Variants in KCNMA1 observed in about 807,000 individuals in gnomAD.
KCNMA1 encodes Calcium-activated potassium channel subunit alpha-1.
Under a neutral mutation model 140.0 loss-of-function variants are expected in KCNMA1, and 29 were observed. The observed-to-expected ratio is 0.21, with a 90% CI of 0.15 to 0.28. KCNMA1 has a LOEUF of 0.28. Among genes scored for constraint, KCNMA1 ranks in the 10% least tolerant of loss-of-function variants. The probability of loss-of-function intolerance (pLI) is 1.00; values close to 1 mark genes in which losing one functional copy is unlikely to be tolerated. For synonymous variants in KCNMA1, 612 were observed against 611.9 expected (o/e 1.00, Z 0.00); for missense variants, 880 against 1,602.2 (o/e 0.55, Z 7.70).
intron 1 of KCNMA1, among the ~76,000 whole-genome samples, chr10:77,406,379 A>G (rs772724089): frequency 3.3e-5 from 5 of 152,196 alleles, no homozygotes; most frequent in African/African-American, 4.8e-5. Context: ...AACAGTGTCC[A>G]ATAGCACAAA....
At chr10:77,281,620 C>T (rs149169197) in intron 2 of KCNMA1, among the ~76,000 whole-genome samples, 7 of 152,064 alleles carry the variant, frequency 4.6e-5, no homozygotes, top group Non-Finnish European at 8.8e-5. Context: ...CTCTATGGCA[C>T]CCTGCTCCAG....
chr10:76,930,128 C>T (rs1454216482), intron 23 of KCNMA1: 2 of 151,980 alleles, frequency 1.3e-5, no homozygotes, highest in African/African-American at 2.4e-5. Context: ...AATTAAAAAG[C>T]GGGACTACAT....
intron 5 of KCNMA1, among the ~76,000 whole-genome samples, chr10:77,128,578 T>A (rs1237961799): frequency 6.6e-6 from 1 of 151,918 alleles, no homozygotes; most frequent in East Asian, 1.9e-4. Context: ...GCAGAGGGAG[T>A]ATTAAGGCTC....
intron 13 of KCNMA1, among the ~76,000 whole-genome samples, chr10:77,073,762 G>T (rs952469378): frequency 8.5e-5 from 13 of 152,152 alleles, no homozygotes; most frequent in Admixed American, 2.0e-4. Context: ...CAGTAGATCT[G>T]GGGTAAGGCT....
chr10:77,351,931 C>T lies in KCNMA1; in HGVS notation c.540+51931G>A, dbSNP rs193254662. 1.2e-3 allele frequency among the ~76,000 whole-genome samples: 178 copies of T among 152,306 alleles called. 3 individuals carry two copies. In the South Asian group the frequency reaches 0.016, roughly 14 times the overall value. ...TGGATTGTCCTCAAGTAGACTGGCT[C>T]ACCAAAGGTGTCCACAACAAGAACA... On this transcript the variant is annotated intron_variant, in intron 2 of 27. Transcript: ENST00000286628.
At chr10:77,191,112 G>A (rs1360323569) in intron 3 of KCNMA1, among the ~76,000 whole-genome samples, 2 of 152,096 alleles carry the variant, frequency 1.3e-5, no homozygotes, top group Non-Finnish European at 2.9e-5. Flanking sequence ...AAGCTTTCCT[G>A]GCTACCTCTG....
intron 2 of KCNMA1, among the ~76,000 whole-genome samples, chr10:77,267,043 G>A (rs902566262): frequency 8.5e-5 from 13 of 152,116 alleles, no homozygotes; most frequent in African/African-American, 3.1e-4. Flanking sequence ...TCCAGAGAAG[G>A]GGCAATGAGC....
intron 20 of KCNMA1, among the ~76,000 whole-genome samples, chr10:76,969,464 A>G (rs769320875): frequency 6.6e-5 from 10 of 152,264 alleles, no homozygotes; most frequent in Non-Finnish European, 1.3e-4. Context: ...TTATCAGTCA[A>G]AATCAATTAA....
chr10:77,255,335 C>T (rs2060494815), intron 2 of KCNMA1, among the ~76,000 whole-genome samples: 1 of 152,126 alleles, frequency 6.6e-6, no homozygotes, highest in Admixed American at 6.6e-5. Flanking sequence ...TGCAGTGGCT[C>T]ATGCCTGTAA....
At chr10:77,606,755 G>A (rs765206354) in intron 1 of KCNMA1, among the ~76,000 whole-genome samples, 40 of 152,102 alleles carry the variant, frequency 2.6e-4, no homozygotes, top group Non-Finnish European at 4.7e-4. Context: ...GGTCTCCTCT[G>A]GGAACTTGGA....
chr10:77,276,086 T>C (rs1469012149), intron 2 of KCNMA1, among the ~76,000 whole-genome samples: 1 of 152,128 alleles, frequency 6.6e-6, no homozygotes, highest in East Asian at 1.9e-4. Flanking sequence ...TCAACATGAG[T>C]ACCACAGTCC....
intron 1 of KCNMA1, among the ~76,000 whole-genome samples, chr10:77,612,329 TA>T (rs751474174): frequency 3.3e-4 from 50 of 152,144 alleles, no homozygotes; most frequent in Non-Finnish European, 5.6e-4. Context: ...CCCAATGCAG[TA>T]AAAATGTGAT....
chr10:77,593,723 G>A (rs546264211), intron 1 of KCNMA1, among the ~76,000 whole-genome samples: 4 of 152,334 alleles, frequency 2.6e-5, no homozygotes, highest in South Asian at 2.1e-4. Context: ...AGCCCTGAGC[G>A]TAGGACTCAA....
At chr10:77,590,760 C>T (rs969572445) in intron 1 of KCNMA1, among the ~76,000 whole-genome samples, 1 of 152,152 alleles carries the variant, frequency 6.6e-6, no homozygotes, top group Non-Finnish European at 1.5e-5. Context: ...TCACTACCAC[C>T]GCCAGATGCT....
intron 2 of KCNMA1, among the ~76,000 whole-genome samples, chr10:77,262,541 C>T (rs2062294662): frequency 6.6e-6 from 1 of 151,342 alleles, no homozygotes; most frequent in Non-Finnish European, 1.5e-5. Context: ...GAAACATGAC[C>T]CCCAGTGTTG....
rs564727844 is a variant in KCNMA1 at position 76,935,576 on chromosome 10, AG to A, written c.2902+9196del. ...AGCAGGTTGTCAGGGAGATTAAATA[AG>A]ATATTACATAGGAATGTGTCTGGTG... On this transcript the variant is annotated intron_variant, in intron 23 of 27. Coordinates refer to ENST00000286628, the MANE Select transcript of KCNMA1 (RefSeq NM_001161352.2). Among the ~76,000 whole-genome samples the A allele has an allele frequency of 3.0e-4, 45 of 152,326 alleles. 1 individual carries two copies. The highest frequency in any genetic ancestry group is 1.0e-3 in the African/African-American group (43 of 41,568).
chr10:77,060,750 T>G (rs2095711559), intron 14 of KCNMA1, among the ~76,000 whole-genome samples: 1 of 152,194 alleles, frequency 6.6e-6, no homozygotes, highest in Non-Finnish European at 1.5e-5. Context: ...GTTATCTAAG[T>G]GGGCTCTAAA....
intron 20 of KCNMA1, among the ~76,000 whole-genome samples, chr10:76,961,082 C>G (rs1273697285): frequency 2.0e-5 from 3 of 151,500 alleles, no homozygotes; most frequent in Admixed American, 6.6e-5. Context: ...TAAGCTATCA[C>G]TGCCATAGTG....
chr10:77,045,242 T>G (rs1025863037), intron 14 of KCNMA1, among the ~76,000 whole-genome samples: 3 of 152,172 alleles, frequency 2.0e-5, no homozygotes, highest in African/African-American at 7.2e-5. Context: ...GGGACCAAAA[T>G]GACTTAGGGA....
Sources: gnomAD v4.1 joint callset for allele counts (sites outside exome capture counted in the v4.1 genomes callset) on GRCh38, gnomAD v4.1.1 for gene constraint, MANE v1.5 for transcripts, NCBI Gene and HGNC (gene_info 2026-07-23, HGNC 2026-07-21) for gene names.